NCAM2: variants seen among roughly 807,000 people sequenced by gnomAD.
NCAM2 encodes the protein N-CAM-2.
In NCAM2, 30 loss-of-function variants were observed where a neutral mutation model predicts 98.1. That is an observed-to-expected ratio of 0.31 (90% CI 0.23 to 0.41). The LOEUF (loss-of-function observed/expected upper bound fraction) is 0.41, where lower values mean the gene tolerates loss of function less well. NCAM2 is among the 10% of genes least tolerant of loss of function. The pLI is 1.00. For missense variants in NCAM2, 867 were observed against 1,005.8 expected (o/e 0.86, Z 1.87); for synonymous variants, 368 against 342.4 (o/e 1.07, Z -0.83).
intron 1 of NCAM2, among the ~76,000 whole-genome samples, chr21:21,127,315 T>A (rs188348746): frequency 5.3e-5 from 8 of 152,084 alleles, no homozygotes; most frequent in Non-Finnish European, 1.5e-5. Flanking sequence ...TCAATAAATT[T>A]ATTTATTTTA....
At position 21,542,718 on chromosome 21, in the gene NCAM2, C is replaced by T. The variant is rs1289688058; in HGVS notation, c.*4761C>T. On this transcript the variant is annotated 3_prime_UTR_variant, in exon 18 of 18. Transcript: ENST00000400546. ...TATATTTGGAATAGCTAAGAAGGACCTGACTTTGAGAAGTGCTAGACCAGG... is the reference window on the plus strand; with the variant it reads ...TATATTTGGAATAGCTAAGAAGGACTTGACTTTGAGAAGTGCTAGACCAGG... The T allele has an allele frequency of 6.6e-6, 1 of 151,756 alleles. No homozygotes were observed. Among genetic ancestry groups the T allele is most frequent in the Non-Finnish European group, 1.5e-5 (1 of 67,856 alleles). The allele number at this position is 151,756 out of a possible 1,614,324, so 9.4% of individuals were successfully genotyped here.
At chr21:21,340,743 C>G (rs1220438950) in intron 8 of NCAM2, among the ~76,000 whole-genome samples, 2 of 151,940 alleles carry the variant, frequency 1.3e-5, no homozygotes, top group Admixed American at 6.6e-5. Flanking sequence ...ATTCACAAAT[C>G]AAATGGTTGA....
At chr21:21,242,538 A>G (rs2071103083) in intron 1 of NCAM2, among the ~76,000 whole-genome samples, 1 of 151,868 alleles carries the variant, frequency 6.6e-6, no homozygotes, top group South Asian at 2.1e-4. Flanking sequence ...TCTGTTCTCT[A>G]CTTCTATGGG....
At chr21:21,315,328 C>T (rs574646723) in intron 5 of NCAM2, among the ~76,000 whole-genome samples, 1 of 152,284 alleles carries the variant, frequency 6.6e-6, no homozygotes, top group African/African-American at 2.4e-5. Flanking sequence ...AAAGAACTTG[C>T]TGTGGATGCC....
intron 1 of NCAM2, among the ~76,000 whole-genome samples, chr21:21,082,089 G>T (rs540590217): frequency 6.6e-6 from 1 of 151,650 alleles, no homozygotes; most frequent in Admixed American, 6.6e-5. Flanking sequence ...TTAGCCGGGC[G>T]TGGTGGCAGG....
intron 9 of NCAM2, among the ~76,000 whole-genome samples, chr21:21,407,523 C>A (rs2145900386): frequency 6.6e-6 from 1 of 152,288 alleles, no homozygotes; most frequent in African/African-American, 2.4e-5. Context: ...TTAAAATACA[C>A]TACATGCAGA....
At position 21,284,322 on chromosome 21, in the gene NCAM2, G is replaced by C; in HGVS notation, c.259G>C (p.Asp87His). ...AACCATCTACAATGCAAATATAGAA[G>C]ATGCAGGGATATATCGTTGTCAAGC... ...RLTIYNANIE[D>H]AGIYRCQATD... Residue 87 changes from aspartate to histidine, a missense_variant, in exon 3 of 18, where the codon GAT (aspartate) becomes CAT (histidine). Transcript: ENST00000400546. The C allele has an allele frequency of 6.2e-7, 1 of 1,612,706 alleles. No homozygotes were observed. The highest frequency in any genetic ancestry group is 8.5e-7 in the Non-Finnish European group (1 of 1,179,066).
At chr21:21,125,631 T>A (rs1289138351) in intron 1 of NCAM2, among the ~76,000 whole-genome samples, 1 of 136,028 alleles carries the variant, frequency 7.4e-6, no homozygotes, top group Non-Finnish European at 1.5e-5. Context: ...ATATATAATA[T>A]ATAATATTTT....
chr21:21,453,836 C>A (rs1981712215), intron 12 of NCAM2, among the ~76,000 whole-genome samples: 2 of 151,896 alleles, frequency 1.3e-5, no homozygotes, highest in Non-Finnish European at 2.9e-5. Context: ...CTGTATTATT[C>A]TTGAATTAGT....
chr21:21,204,415 T>C (rs529091587), intron 1 of NCAM2, among the ~76,000 whole-genome samples: 2 of 152,276 alleles, frequency 1.3e-5, no homozygotes, highest in East Asian at 3.9e-4. Flanking sequence ...CTATTTAACC[T>C]TGTGTTGCAT....
rs538840952 is a variant in NCAM2 at position 21,518,567 on chromosome 21, G to T, written c.2282+9512G>T. Among the ~76,000 whole-genome samples, 10 of 151,724 alleles carry T rather than the reference G, an allele frequency of 6.6e-5. No homozygotes were observed. The South Asian group carries it at 2.1e-3, about 32-fold the overall frequency. The stretch of plus-strand genomic sequence containing the variant: ...CAGATCACAAAGCTTAGTTTTAGTT[G>T]TTTTATTTAAATAGAGGCACAAGAT... On this transcript the variant is annotated intron_variant, in intron 16 of 17. Transcript: ENST00000400546.
intron 12 of NCAM2, among the ~76,000 whole-genome samples, chr21:21,446,143 A>G (rs1374583249): frequency 6.6e-6 from 1 of 152,124 alleles, no homozygotes; most frequent in Non-Finnish European, 1.5e-5. Context: ...TTTCTTTAAG[A>G]ATGATGAATA....
In NCAM2 at chr21:21,293,591, A is replaced by T. The variant is rs559415293; in HGVS notation, c.619+1350A>T. Among the ~76,000 whole-genome samples, 4 of 151,934 alleles carry T rather than the reference A, an allele frequency of 2.6e-5. No individual in the cohort carries two copies. In the East Asian group the frequency reaches 7.8e-4, roughly 30 times the overall value. ...TTATTAAGGGTGCCATAATCAGTGG[A>T]GTAGTTAACCTTCAGTGCGGGAGGA... On this transcript the variant is annotated intron_variant, in intron 5 of 17. Coordinates refer to ENST00000400546, the MANE Select transcript of NCAM2 (RefSeq NM_004540.5).
intron 11 of NCAM2, among the ~76,000 whole-genome samples, chr21:21,430,394 T>TTATATA (rs548093741): frequency 4.0e-5 from 5 of 125,034 alleles, no homozygotes; most frequent in East Asian, 3.3e-4. Context: ...TCAGTCAAGT[T>TTATATA]TATATATATT....
chr21:21,522,257 CTATATTTA>C (rs1989063450), intron 16 of NCAM2, among the ~76,000 whole-genome samples: 1 of 125,230 alleles, frequency 8.0e-6, no homozygotes, highest in Non-Finnish European at 1.8e-5. Flanking sequence ...TATATGAATA[CTATATTTA>C]TATATAAATA....
intron 1 of NCAM2, among the ~76,000 whole-genome samples, chr21:21,160,664 T>A (rs112620999): frequency 5.9e-5 from 9 of 152,134 alleles, no homozygotes; most frequent in African/African-American, 2.2e-4. Context: ...TTTGGAAACT[T>A]AAATTCTATG....
At chr21:21,417,814 C>G (rs929003223) in intron 10 of NCAM2, among the ~76,000 whole-genome samples, 1 of 151,798 alleles carries the variant, frequency 6.6e-6, no homozygotes, top group Non-Finnish European at 1.5e-5. Context: ...TATTAGATAG[C>G]GAGAAAAAGT....
intron 1 of NCAM2, among the ~76,000 whole-genome samples, chr21:21,225,268 G>T (rs1274513750): frequency 6.6e-6 from 1 of 151,974 alleles, no homozygotes; most frequent in East Asian, 1.9e-4. Context: ...GGGTCGGGAG[G>T]GAGAGCATTA....
rs1336134160 is a variant in NCAM2, at chr21:21,522,628, T to TTTTC, written c.2283-11905_2283-11902dup. 1.2e-3 allele frequency among the ~76,000 whole-genome samples: 94 copies of TTTTC among 80,952 alleles called. 2 individuals are homozygous for TTTTC. The South Asian group carries it at 0.046, about 40-fold the overall frequency. The allele number at this position is 80,952 out of a possible 152,430, so 53.1% of individuals were successfully genotyped here. A position where few individuals can be genotyped will look rare whatever the true frequency, so the allele number is the denominator to read the frequency against. ...GAACAAGTTCTTTTTTTCTTTTTCT[T>TTTTC]TTTCTTTTTTTTTTTTTTTTGAGAC... On this transcript the variant is annotated intron_variant, in intron 16 of 17. Coordinates refer to ENST00000400546, the MANE Select transcript of NCAM2 (RefSeq NM_004540.5).
Sources: allele counts gnomAD v4.1 joint callset (sites outside exome capture counted in the v4.1 genomes callset), GRCh38; gene constraint gnomAD v4.1.1; transcripts MANE v1.5; gene names NCBI Gene and HGNC (gene_info 2026-07-23, HGNC 2026-07-21).